Variants in GSS observed in about 807,000 individuals in gnomAD.
GSS encodes the protein glutathione synthetase.
GSS carries 34 observed loss-of-function variants against 60.4 expected under a neutral mutation model. The observed-to-expected ratio is 0.56, with a 90% CI of 0.43 to 0.75. The LOEUF (loss-of-function observed/expected upper bound fraction) is 0.75. Ranked by LOEUF, GSS falls within the 30% of genes least tolerant of loss-of-function variation. The probability of loss-of-function intolerance (pLI) is 0.00; values close to 1 mark genes in which losing one functional copy is unlikely to be tolerated. For synonymous variants in GSS, 224 were observed against 239.0 expected (o/e 0.94, Z 0.58); for missense variants, 499 against 595.1 (o/e 0.84, Z 1.68).
Position 34,929,539 on chromosome 20 carries a change from T to A in GSS, c.1163A>T (p.Asp388Val). ...GATGTAGGAGGCCCTCTCCTCACTG[T>A]CCTTCAGCTGTTTCAGGGCCTGTAC... The part of the protein sequence containing the change: ...EMVQALKQLK[D>V]SEERASYILM... The change falls in exon 12 of 13, where the codon GAC (aspartate) becomes GTC (valine). Residue 388 changes from aspartate to valine, a missense_variant. Asp to Val is a radical substitution (Grantham distance 152). Coordinates refer to ENST00000651619, the MANE Select transcript of GSS (RefSeq NM_000178.4). The A allele has an allele frequency of 6.2e-7, 1 of 1,614,070 alleles. No homozygotes were observed. The highest frequency in any genetic ancestry group is 8.5e-7 in the Non-Finnish European group (1 of 1,179,904).
intron 6 of GSS, among the ~76,000 whole-genome samples, chr20:34,937,411 A>G (rs983426573): frequency 3.3e-5 from 5 of 152,228 alleles, no homozygotes; most frequent in African/African-American, 1.2e-4. Flanking sequence ...GGAAGAATAA[A>G]CAAGTGGGAG....
chr20:34,953,105 C>T (rs1199383749), intron 1 of GSS, among the ~76,000 whole-genome samples: 1 of 152,240 alleles, frequency 6.6e-6, no homozygotes, highest in Non-Finnish European at 1.5e-5. Flanking sequence ...TGTACAAACT[C>T]ACACCCTGAT....
intron 3 of GSS, among the ~76,000 whole-genome samples, chr20:34,943,848 T>C (rs1258100608): frequency 2.0e-5 from 3 of 152,216 alleles, no homozygotes; most frequent in Non-Finnish European, 4.4e-5. Flanking sequence ...CCATGACATG[T>C]GACATGTGTT....
intron 6 of GSS, among the ~76,000 whole-genome samples, chr20:34,939,576 T>A (rs945233975): frequency 6.6e-6 from 1 of 152,200 alleles, no homozygotes; most frequent in Non-Finnish European, 1.5e-5. Flanking sequence ...TTGGGCAAGT[T>A]ATTCAAACTC....
At chr20:34,930,432 C>T (rs2081392069) in intron 11 of GSS, among the ~76,000 whole-genome samples, 1 of 152,060 alleles carries the variant, frequency 6.6e-6, no homozygotes, top group African/African-American at 2.4e-5. Context: ...CAAAAGGTAC[C>T]CCTGAGTCAT....
intron 6 of GSS, among the ~76,000 whole-genome samples, chr20:34,939,911 C>T (rs2081469717): frequency 6.6e-6 from 1 of 152,068 alleles, no homozygotes; most frequent in South Asian, 2.1e-4. Context: ...CTCTGATGAT[C>T]CACCCGCCTC....
chr20:34,947,969 G>A (rs1382139873), intron 2 of GSS, among the ~76,000 whole-genome samples: 1 of 133,792 alleles, frequency 7.5e-6, no homozygotes, highest in Non-Finnish European at 1.6e-5. Flanking sequence ...TTTTTTTGGA[G>A]TGGGGTCTTA....
In GSS at chr20:34,931,370, G is replaced by C; in HGVS notation, c.1077C>G (p.Ser359Arg). The change falls in exon 11 of 13, where the codon AGC (serine) becomes AGG (arginine). Residue 359 changes from serine to arginine, a missense_variant. Ser to Arg is a moderately radical substitution (Grantham distance 110). Transcript: ENST00000651619. ...CTCTCTGGGGCTTTAGCACAAACCG[G>C]CTAGGGGCAGCAAGGGCCTCGGCGA... ...QAIAEALAAP[S>R]RFVLKPQREG... is the part of the protein sequence containing the mutation. 1 of 1,614,176 alleles carries C rather than the reference G, an allele frequency of 6.2e-7. No individual in the cohort carries two copies. The highest frequency in any genetic ancestry group is 8.5e-7 in the Non-Finnish European group (1 of 1,179,980).
intron 8 of GSS, 134 bp from the exon 9 acceptor site, chr20:34,935,776 GT>G: frequency 1.4e-6 from 1 of 706,508 alleles, no homozygotes; most frequent in Admixed American, 2.0e-5. Flanking sequence ...CTGGTCAGGG[GT>G]TCACTGGAAC....
In GSS at chr20:34,931,407, CCTT is replaced by C; in HGVS notation, c.1037_1039del (p.Glu346del). The C allele has an allele frequency of 1.9e-6, 3 of 1,614,068 alleles. No homozygotes were observed. Among genetic ancestry groups the C allele is most frequent in the African/African-American group, 2.7e-5 (2 of 75,052 alleles). On this transcript the variant is annotated inframe_deletion, in exon 11 of 13. Coordinates refer to ENST00000651619, the MANE Select transcript of GSS (RefSeq NM_000178.4). ...AAGGGCCTCGGCGATGGCCTGGTCC[CCTT>C]CTTCACCCTGGCAGGAGGCAGAAAG...
intron 5 of GSS, among the ~76,000 whole-genome samples, 157 bp downstream of exon 5, chr20:34,942,331 T>G (rs1223869720): frequency 6.6e-6 from 1 of 152,124 alleles, no homozygotes; most frequent in African/African-American, 2.4e-5. Context: ...AGGATCTCAT[T>G]ACAAGTGGAA....
intron 6 of GSS, among the ~76,000 whole-genome samples, chr20:34,941,073 G>C (rs2081478377): frequency 6.6e-6 from 1 of 151,992 alleles, no homozygotes; most frequent in Admixed American, 6.6e-5. Context: ...AAATGAATGA[G>C]AGGCCGGGTG....
chr20:34,942,999 T>C lies in GSS; in HGVS notation c.283A>G (p.Lys95Glu), dbSNP rs2081496417. The C allele has an allele frequency of 2.5e-6, 4 of 1,609,856 alleles. No homozygotes were observed. Among genetic ancestry groups the C allele is most frequent in the East Asian group, 4.5e-5 (2 of 44,872 alleles). ...FLEQTLSSTI[K>E]QDDFTARLFD... ...AGACGAGCGGTAAAGTCATCCTGTT[T>C]GATGGTGCTGGAGGAAGAAACAGAG... Residue 95 changes from lysine (K) to glutamate (E), a missense_variant, in exon 4 of 13, where the codon AAA becomes GAA. Physicochemically the swap from Lys to Glu is moderately conservative, Grantham distance 56. Coordinates refer to ENST00000651619, the MANE Select transcript of GSS (RefSeq NM_000178.4).
In GSS at chr20:34,941,802, G is replaced by A; in HGVS notation, c.519C>T (p.Thr173=). The A allele has an allele frequency of 6.2e-7, 1 of 1,609,320 alleles. No individual in the cohort carries two copies. The change falls in exon 6 of 13, where the codon ACC becomes ACT. Residue 173 remains threonine, a synonymous_variant. Coordinates refer to ENST00000651619, the MANE Select transcript of GSS (RefSeq NM_000178.4). ...TAGAGAGGATCTTGCCAGCTTCTTT[G>A]GTCTTACTCAGGACACTGAGAACAT... ...HRHVLSVLSK[T]KEAGKILSNN...
intron 4 of GSS, 38 bp from the exon 5 acceptor site, chr20:34,942,665 G>A: frequency 1.2e-6 from 2 of 1,609,726 alleles, no homozygotes; most frequent in Admixed American, 3.3e-5. Context: ...ACCTGCCCAG[G>A]GACTGACTCT....
At chr20:34,948,237 T>C (rs1230450096) in intron 2 of GSS, among the ~76,000 whole-genome samples, 1 of 152,182 alleles carries the variant, frequency 6.6e-6, no homozygotes, top group Non-Finnish European at 1.5e-5. Context: ...GGTGACCTAA[T>C]ACCCTGAGTA....
At chr20:34,947,837 A>G (rs1252619206) in intron 2 of GSS, among the ~76,000 whole-genome samples, 1 of 152,054 alleles carries the variant, frequency 6.6e-6, no homozygotes, top group African/African-American at 2.4e-5. Context: ...AGATATTTTC[A>G]TATATGAGAA....
In GSS at chr20:34,942,620, AAC is replaced by A; in HGVS notation, c.357_358del (p.Phe120ProfsTer52). 6.2e-7 allele frequency: 1 copy of A among 1,614,060 alleles called. No homozygotes were observed. Among genetic ancestry groups the A allele is most frequent in the Non-Finnish European group, 8.5e-7 (1 of 1,179,972 alleles). Reference sequence around the variant, plus strand: ...GTAGTCTGAGCGATTCAGGCCCAGGAACACAGTCTGTGGGGAAAACTGAAGGC... The same window carrying A: ...GTAGTCTGAGCGATTCAGGCCCAGGAACAGTCTGTGGGGAAAACTGAAGGC... On this transcript the variant is annotated frameshift_variant, in exon 5 of 13. Transcript: ENST00000651619. LOFTEE classifies it high-confidence loss of function.
intron 11 of GSS, 46 bp downstream of exon 11, chr20:34,931,290 G>C: frequency 2.8e-6 from 4 of 1,437,924 alleles, no homozygotes; most frequent in Non-Finnish European, 3.9e-6. Flanking sequence ...GCCACAGCCT[G>C]CTAGTCCCTC....
Sources: gnomAD v4.1 joint callset for allele counts (sites outside exome capture counted in the v4.1 genomes callset) on GRCh38, gnomAD v4.1.1 for gene constraint, MANE v1.5 for transcripts, NCBI Gene and HGNC (gene_info 2026-07-23, HGNC 2026-07-21) for gene names.